The following PGAP4 variants were observed in gnomAD, a reference collection of about 807,000 sequenced individuals.
PGAP4 encodes post-GPI attachment to proteins GalNAc transferase 4.
Under a neutral mutation model 28.2 loss-of-function variants are expected in PGAP4, and 12 were observed. That is an observed-to-expected ratio of 0.42 (90% confidence interval 0.27 to 0.69). The LOEUF is 0.69. PGAP4 is among the 30% of genes least tolerant of loss of function. The pLI, the probability that PGAP4 is intolerant of heterozygous loss-of-function variation, is 0.22. For synonymous variants in PGAP4, 205 were observed against 211.8 expected, an observed-to-expected ratio of 0.97 and a Z score of 0.28; for missense variants, 425 against 513.5, an observed-to-expected ratio of 0.83 and a Z score of 1.67.
At chr9:101,490,973 A>G (rs1254970676), upstream of PGAP4, among the ~76,000 whole-genome samples, 1 of 152,190 alleles carries the variant, frequency 6.6e-6, no homozygotes, top group Non-Finnish European at 1.5e-5. Flanking sequence ...ATAGCACCTC[A>G]ACTTCTCATG....
At chr9:101,485,999 C>A (rs1016758159) in intron 1 of PGAP4, among the ~76,000 whole-genome samples, 1 of 152,146 alleles carries the variant, frequency 6.6e-6, no homozygotes, top group African/African-American at 2.4e-5. Flanking sequence ...TGCTAATGGT[C>A]CGCATGGTGA....
At chr9:101,504,752 A>G (rs180712516) in intron 2 of PGAP4, among the ~76,000 whole-genome samples, 3 of 152,198 alleles carry the variant, frequency 2.0e-5, no homozygotes, top group Admixed American at 1.3e-4. Context: ...ACCTTTCACA[A>G]GTTTTCAGAA....
intron 2 of PGAP4, among the ~76,000 whole-genome samples, chr9:101,529,922 T>G (rs1827072747): frequency 6.6e-6 from 1 of 152,244 alleles, no homozygotes; most frequent in Non-Finnish European, 1.5e-5. Context: ...TCAGCAAGTC[T>G]AGAGCAAGGG....
chr9:101,491,218 G>A (rs1826685445), upstream of PGAP4, among the ~76,000 whole-genome samples: 1 of 152,178 alleles, frequency 6.6e-6, no homozygotes, highest in African/African-American at 2.4e-5. Flanking sequence ...GGTATTAGCA[G>A]AAGTGCTGTG....
chr9:101,514,726 T>G (rs1365056028), intron 2 of PGAP4, among the ~76,000 whole-genome samples: 1 of 152,056 alleles, frequency 6.6e-6, no homozygotes, highest in Non-Finnish European at 1.5e-5. Context: ...AGGAGGAAAC[T>G]AAAGGGAATA....
At chr9:101,502,980 T>C (rs1826816547) in intron 2 of PGAP4, among the ~76,000 whole-genome samples, 1 of 152,084 alleles carries the variant, frequency 6.6e-6, no homozygotes, top group South Asian at 2.1e-4. Flanking sequence ...GCACAAAGCA[T>C]GTGGCACAAG....
At chr9:101,502,078 C>T (rs1826807264) in intron 2 of PGAP4, among the ~76,000 whole-genome samples, 1 of 152,056 alleles carries the variant, frequency 6.6e-6, no homozygotes, top group South Asian at 2.1e-4. Context: ...TCAAAAATAC[C>T]AAACACATCT....
At chr9:101,480,176 C>T (rs924509572) in intron 1 of PGAP4, among the ~76,000 whole-genome samples, 6 of 152,052 alleles carry the variant, frequency 3.9e-5, no homozygotes, top group African/African-American at 1.4e-4. Context: ...GGCCCCCAAC[C>T]CCAATCATTA....
At chr9:101,494,143 C>T (rs1002058400) in intron 2 of PGAP4, among the ~76,000 whole-genome samples, 11 of 151,830 alleles carry the variant, frequency 7.2e-5, no homozygotes, top group Admixed American at 5.9e-4. Context: ...TTTATTTACT[C>T]ATTTTAAGGC....
At position 101,477,172 on chromosome 9, in the gene PGAP4, A is replaced by G; in HGVS notation, c.-77-3T>C. ...GCCAGAGTCATCAGAAATCAAACCT[A>G]AAGAGAGAGGAAGTAGGGAATGGTA... On this transcript the variant is annotated splice_polypyrimidine_tract_variant and splice_region_variant and intron_variant, in intron 1 of 1. Coordinates refer to ENST00000374848, the MANE Select transcript of PGAP4 (RefSeq NM_032342.3). 6.8e-7 allele frequency: 1 copy of G among 1,472,392 alleles called. No individual in the cohort carries two copies. Among genetic ancestry groups the G allele is most frequent in the Non-Finnish European group, 9.0e-7 (1 of 1,114,176 alleles). 91.2% of individuals were successfully genotyped at this position (1,472,392 alleles called of 1,614,324 possible). A position where few individuals can be genotyped will look rare whatever the true frequency, so the allele number is the denominator to read the frequency against.
At chr9:101,504,942 A>T (rs777473756) in intron 2 of PGAP4, among the ~76,000 whole-genome samples, 1 of 152,096 alleles carries the variant, frequency 6.6e-6, no homozygotes, top group Non-Finnish European at 1.5e-5. Flanking sequence ...CTATGTTAGG[A>T]TAAGTTGGTC....
chr9:101,525,699 CAAAAA>C (rs397893277), intron 2 of PGAP4, among the ~76,000 whole-genome samples: 3 of 61,408 alleles, frequency 4.9e-5, no homozygotes, highest in Admixed American at 1.7e-4. Flanking sequence ...CAGAGCGTCT[CAAAAA>C]AAAAAAAAAA....
chr9:101,489,265 T>C (rs567950922), upstream of PGAP4: 8 of 152,330 alleles, frequency 5.3e-5, no homozygotes, highest in South Asian at 1.7e-3. Context: ...TAGACACTAG[T>C]AGTGGGTACT....
chr9:101,501,272 A>T (rs1447619437), intron 2 of PGAP4, among the ~76,000 whole-genome samples: 1 of 152,072 alleles, frequency 6.6e-6, no homozygotes, highest in Non-Finnish European at 1.5e-5. Context: ...TACAATAGTG[A>T]TGCTGTAGCC....
chr9:101,485,645 A>C (rs1826596083), intron 1 of PGAP4, among the ~76,000 whole-genome samples: 1 of 152,210 alleles, frequency 6.6e-6, no homozygotes. Context: ...AAAGACATGC[A>C]AATTAAGACA....
intron 2 of PGAP4, among the ~76,000 whole-genome samples, chr9:101,498,074 T>C (rs1317901461): frequency 1.3e-5 from 2 of 151,814 alleles, no homozygotes; most frequent in Admixed American, 1.3e-4. Flanking sequence ...ACCAAAATTT[T>C]GAGTAAAGCG....
At position 101,474,695 on chromosome 9, in the gene PGAP4, A is replaced by C. The variant is rs941676792; in HGVS notation, c.*1186T>G. The C allele has an allele frequency of 6.6e-6, 1 of 152,224 alleles. No homozygotes were observed. The highest frequency in any genetic ancestry group is 2.4e-5 in the African/African-American group (1 of 41,450). 9.4% of individuals were successfully genotyped at this position (152,224 alleles called of 1,614,324 possible). A position where few individuals can be genotyped will look rare whatever the true frequency, so the allele number is the denominator to read the frequency against. On this transcript the variant is annotated 3_prime_UTR_variant, in exon 2 of 2. Transcript: ENST00000374848. ...AGCTCCATGCCCTATCTCATACTTT[A>C]AACAACATCACCAATATCTTTTTCC...
intron 1 of PGAP4, 118 bp from the exon 2 acceptor site, chr9:101,477,287 T>A: frequency 1.5e-6 from 1 of 660,382 alleles, no homozygotes; most frequent in Non-Finnish European, 2.3e-6. Flanking sequence ...GAAATTATAA[T>A]AGGAGGCTCT....
intron 2 of PGAP4, among the ~76,000 whole-genome samples, chr9:101,493,071 G>A (rs1057313773): frequency 6.6e-6 from 1 of 151,910 alleles, no homozygotes; most frequent in Non-Finnish European, 1.5e-5. Flanking sequence ...TGGCCAACAT[G>A]GTGAAAACCC....
Sources: allele counts gnomAD v4.1 joint callset (sites outside exome capture counted in the v4.1 genomes callset), GRCh38; gene constraint gnomAD v4.1.1; transcripts MANE v1.5; gene names NCBI Gene and HGNC (gene_info 2026-07-23, HGNC 2026-07-21).